The following UNC13B variants were observed in gnomAD, a reference collection of about 807,000 sequenced individuals.
UNC13B encodes the protein unc-13 homolog B.
Under a neutral mutation model 211.0 loss-of-function variants are expected in UNC13B, and 144 were observed. The ratio of observed to expected loss-of-function variants is 0.68; its 90% CI spans 0.60 to 0.78. UNC13B has a LOEUF of 0.78. Ranked by LOEUF, UNC13B falls within the 30% of genes least tolerant of loss-of-function variation. The pLI is 0.00. For missense variants in UNC13B, 1,777 were observed against 2,002.0 expected, an observed-to-expected ratio of 0.89 and a Z score of 2.14; for synonymous variants, 709 against 725.8, an observed-to-expected ratio of 0.98 and a Z score of 0.37.
intron 11 of UNC13B, among the ~76,000 whole-genome samples, chr9:35,357,578 GTTT>G (rs201402392): frequency 8.5e-6 from 1 of 117,520 alleles, no homozygotes; most frequent in Admixed American, 8.5e-5. Context: ...TTTTTTTATT[GTTT>G]TTTTTTTTTT....
At position 35,384,235 on chromosome 9, in the gene UNC13B, C is replaced by G. The variant is rs1484753237; in HGVS notation, c.10807-11C>G. 1 of 1,613,884 alleles carries G rather than the reference C, an allele frequency of 6.2e-7. No individual in the cohort carries two copies. Among genetic ancestry groups the G allele is most frequent in the Admixed American group, 1.7e-5 (1 of 59,994 alleles). On this transcript the variant is annotated splice_polypyrimidine_tract_variant and intron_variant, in intron 21 of 39. Transcript: ENST00000635942. ...TCTTTTTCTTCCCCTTTATTTGTTT[C>G]TCACCCTCAGAAAGAGAGATTTGTA...
At chr9:35,399,811 C>T in intron 36 of UNC13B, 82 bp downstream of exon 36, 1 of 1,390,286 alleles carries the variant, frequency 7.2e-7, no homozygotes, top group South Asian at 1.2e-5. Context: ...ACCAGGTGTC[C>T]CTCCAATTCT....
intron 11 of UNC13B, among the ~76,000 whole-genome samples, chr9:35,327,095 T>C (rs1305508456): frequency 1.3e-5 from 2 of 152,228 alleles, no homozygotes; most frequent in African/African-American, 4.8e-5. Context: ...TCTCTTTCTC[T>C]TGCCTATCTC....
rs1836534430 is a variant in UNC13B, at chr9:35,404,121, T to G, written c.*88T>G. The G allele has an allele frequency of 2.6e-6, 4 of 1,512,654 alleles. No homozygotes were observed. The highest frequency in any genetic ancestry group is 8.9e-7 in the Non-Finnish European group (1 of 1,129,526). The allele number at this position is 1,512,654 out of a possible 1,614,324, so 93.7% of individuals were successfully genotyped here. ...TAGCTGTGTAACCGGCTTAGGGTCT[T>G]TGCAGTCAAGAGGCTGACCCCTTCA... On this transcript the variant is annotated 3_prime_UTR_variant, in exon 40 of 40. Coordinates refer to ENST00000635942, the MANE Select transcript of UNC13B (RefSeq NM_001371189.2).
intron 11 of UNC13B, among the ~76,000 whole-genome samples, chr9:35,357,936 T>C (rs1413809042): frequency 6.6e-6 from 1 of 152,198 alleles, no homozygotes. Context: ...ACCTATTAAA[T>C]AGTAACTCCT....
chr9:35,351,451 A>C (rs1291065283), intron 11 of UNC13B: 17 of 1,231,294 alleles, frequency 1.4e-5, no homozygotes, highest in Non-Finnish European at 1.6e-5. Context: ...GTTGCCTTCC[A>C]AGGTAATCTC....
intron 13 of UNC13B, among the ~76,000 whole-genome samples, chr9:35,372,271 CCAAACAAACAAA>C (rs572411831): frequency 6.6e-6 from 1 of 152,186 alleles, no homozygotes; most frequent in Non-Finnish European, 1.5e-5. Flanking sequence ...GACTCTGTCT[CCAAACAAACAAA>C]CAAACAAACA....
Position 35,180,543 on chromosome 9 carries a change from G to T in UNC13B, c.22+18238G>T, listed in dbSNP as rs1219785922. Among the ~76,000 whole-genome samples the T allele has an allele frequency of 2.6e-5, 4 of 152,024 alleles. No individual in the cohort carries two copies. In the South Asian group the frequency reaches 6.2e-4, roughly 24 times the overall value. On this transcript the variant is annotated intron_variant, in intron 1 of 39. Transcript: ENST00000635942. Reference sequence around the variant, plus strand: ...GAGCATTAGCTATTTCAGTCGGTGTGAATTTGGTATCAGTACTGCAGGGAG... The same window carrying T: ...GAGCATTAGCTATTTCAGTCGGTGTTAATTTGGTATCAGTACTGCAGGGAG...
chr9:35,375,040 A>G (rs1834305795), intron 13 of UNC13B, 87 bp from the exon 14 acceptor site: 7 of 1,300,238 alleles, frequency 5.4e-6, no homozygotes, highest in Admixed American at 1.7e-5. Flanking sequence ...AGCTATAGTC[A>G]AGTGGCTTTG....
intron 1 of UNC13B, among the ~76,000 whole-genome samples, chr9:35,198,932 A>G (rs1338155883): frequency 6.6e-6 from 1 of 152,254 alleles, no homozygotes; most frequent in East Asian, 1.9e-4. Flanking sequence ...ACATATGTAT[A>G]CATGTGCCAT....
chr9:35,189,176 G>T (rs113179734), intron 1 of UNC13B, among the ~76,000 whole-genome samples: 2 of 152,054 alleles, frequency 1.3e-5, no homozygotes, highest in Admixed American at 1.3e-4. Flanking sequence ...ACTAAAAAAC[G>T]CATTTTACTG....
intron 1 of UNC13B, among the ~76,000 whole-genome samples, chr9:35,222,963 G>T (rs1337966443): frequency 3.3e-5 from 5 of 152,094 alleles, no homozygotes; most frequent in Admixed American, 6.5e-5. Context: ...ATCTTTCTGT[G>T]CCTAGCTTAT....
chr9:35,276,309 A>G (rs78225124), intron 7 of UNC13B, among the ~76,000 whole-genome samples: 4 of 151,190 alleles, frequency 2.6e-5, no homozygotes, highest in African/African-American at 9.7e-5. Context: ...CTGTCTCAAA[A>G]AAAAAAAAAA....
intron 1 of UNC13B, among the ~76,000 whole-genome samples, chr9:35,217,161 T>C (rs775630011): frequency 2.6e-5 from 4 of 152,182 alleles, no homozygotes; most frequent in Non-Finnish European, 5.9e-5. Flanking sequence ...ATCAGGTTTT[T>C]TCTTTTTGAT....
intron 30 of UNC13B, among the ~76,000 whole-genome samples, chr9:35,397,950 A>G (rs977296525): frequency 1.3e-5 from 2 of 152,050 alleles, no homozygotes; most frequent in Admixed American, 1.3e-4. Context: ...TTTTTAATAT[A>G]TATATAAAAA....
chr9:35,396,735 T>TA, intron 27 of UNC13B, 106 bp from the exon 28 acceptor site: 1 of 1,598,366 alleles, frequency 6.3e-7, no homozygotes, highest in South Asian at 1.1e-5. Flanking sequence ...AGAAAAGTGT[T>TA]AAACTGTGCC....
At position 35,377,465 on chromosome 9, in the gene UNC13B, C is replaced by T. The variant is rs745350518; in HGVS notation, c.9836-3C>T. On this transcript the variant is annotated splice_polypyrimidine_tract_variant and splice_region_variant and intron_variant, in intron 15 of 39. Transcript: ENST00000635942. ...GACCTGTTGTGTTCCTGGCCACCTT[C>T]AGGGGCTGCAGAAAAGAGCTGTAAA... 1.5e-5 allele frequency: 24 copies of T among 1,614,158 alleles called. No homozygotes were observed. The South Asian group carries it at 2.3e-4, about 16-fold the overall frequency.
chr9:35,361,993 C>G (rs1322724144), intron 11 of UNC13B: 1 of 152,162 alleles, frequency 6.6e-6, no homozygotes, highest in Non-Finnish European at 1.5e-5. Context: ...AATCTTGAAG[C>G]ACTTTATGTG....
chr9:35,317,822 C>T (rs1040654357), intron 11 of UNC13B, among the ~76,000 whole-genome samples: 9 of 151,804 alleles, frequency 5.9e-5, no homozygotes, highest in Non-Finnish European at 1.3e-4. Flanking sequence ...CAGGCATGAG[C>T]CACCACGCCT....
Sources: allele counts gnomAD v4.1 joint callset (sites outside exome capture counted in the v4.1 genomes callset), GRCh38; gene constraint gnomAD v4.1.1; transcripts MANE v1.5; gene names NCBI Gene and HGNC (gene_info 2026-07-23, HGNC 2026-07-21).